NELL1: variants seen among roughly 807,000 people sequenced by gnomAD.
NELL1 encodes neural EGFL like 1.
In NELL1, 76 loss-of-function variants were observed where a neutral mutation model predicts 107.4. That is an observed-to-expected ratio of 0.71 (90% CI 0.59 to 0.86). NELL1 has a LOEUF of 0.86. Ranked by LOEUF, NELL1 falls within the 40% of genes least tolerant of loss-of-function variation. The probability of loss-of-function intolerance (pLI) is 0.00; values close to 1 mark genes in which losing one functional copy is unlikely to be tolerated. For missense variants in NELL1, 1,024 were observed against 1,005.5 expected (o/e 1.02, Z -0.25); for synonymous variants, 353 against 341.2 (o/e 1.03, Z -0.38).
chr11:20,831,827 C>T (rs899552582), intron 3 of NELL1, among the ~76,000 whole-genome samples: 1 of 152,168 alleles, frequency 6.6e-6, no homozygotes, highest in Non-Finnish European at 1.5e-5. Flanking sequence ...TAAGAATTCA[C>T]ATGTGATAGG....
intron 16 of NELL1, among the ~76,000 whole-genome samples, chr11:21,547,417 C>CT (rs1856469959): frequency 6.6e-6 from 1 of 151,730 alleles, no homozygotes; most frequent in African/African-American, 2.4e-5. Context: ...ATAATTAGAC[C>CT]ACAGCCTTTC....
chr11:20,710,265 T>A (rs1202904144), intron 2 of NELL1, among the ~76,000 whole-genome samples: 1 of 152,240 alleles, frequency 6.6e-6, no homozygotes, highest in African/African-American at 2.4e-5. Flanking sequence ...CATAAAGTGA[T>A]GCTAGATTTT....
chr11:21,025,035 T>C (rs1346213182), intron 12 of NELL1, among the ~76,000 whole-genome samples: 2 of 152,076 alleles, frequency 1.3e-5, no homozygotes, highest in East Asian at 3.9e-4. Flanking sequence ...ATACAGAAAA[T>C]GTCACTGTCC....
chr11:21,101,079 A>G (rs992039900), intron 12 of NELL1, among the ~76,000 whole-genome samples: 1 of 151,058 alleles, frequency 6.6e-6, no homozygotes, highest in Non-Finnish European at 1.5e-5. Context: ...TATGAGTGAG[A>G]ATATGCGGTG....
chr11:20,694,377 T>C (rs1854556858), intron 2 of NELL1, among the ~76,000 whole-genome samples: 1 of 152,092 alleles, frequency 6.6e-6, no homozygotes, highest in Non-Finnish European at 1.5e-5. Context: ...TGGGTTTTCT[T>C]CTAGGATTTT....
At position 20,988,700 on chromosome 11, in the gene NELL1, C is replaced by T. The variant is rs2032330127; in HGVS notation, c.1300+28140C>T. ...CCGCCTCCCGGGTTCACGCCATTCT[C>T]CTGCCTCAGCCTCCTGAGTAGCTGA... On this transcript the variant is annotated intron_variant, in intron 12 of 19. Transcript: ENST00000357134. Among the ~76,000 whole-genome samples, 4 of 151,772 alleles carry T rather than the reference C, an allele frequency of 2.6e-5. No homozygotes were observed. In the South Asian group the frequency reaches 8.3e-4, roughly 32 times the overall value.
intron 14 of NELL1, among the ~76,000 whole-genome samples, chr11:21,346,389 A>T (rs923152926): frequency 6.6e-6 from 1 of 151,922 alleles, no homozygotes; most frequent in Non-Finnish European, 1.5e-5. Flanking sequence ...ATATACTTCC[A>T]TTCTTGGAAC....
chr11:21,284,695 A>G (rs914877425), intron 14 of NELL1: 1 of 361,252 alleles, frequency 2.8e-6, no homozygotes, highest in African/African-American at 2.1e-5. Flanking sequence ...GTCTATATGT[A>G]TGCAGTGTTT....
chr11:21,085,991 G>A (rs550744705), intron 12 of NELL1, among the ~76,000 whole-genome samples: 41 of 152,296 alleles, frequency 2.7e-4, no homozygotes, highest in Non-Finnish European at 3.8e-4. Context: ...TTTCACACCC[G>A]TGAGCTTCTG....
At chr11:20,915,718 T>TATATATATATATATATATATATATATA (rs375263928) in intron 5 of NELL1, among the ~76,000 whole-genome samples, 28 of 49,222 alleles carry the variant, frequency 5.7e-4, no homozygotes, top group African/African-American at 7.5e-4. Context: ...TATATATATA[T>TATATATATATATATATATATATATATA]TTTTTTTTTT....
At chr11:20,726,478 T>C (rs554969060) in intron 2 of NELL1, among the ~76,000 whole-genome samples, 8 of 152,160 alleles carry the variant, frequency 5.3e-5, no homozygotes, top group Non-Finnish European at 7.3e-5. Flanking sequence ...CTATCATCGA[T>C]TAGTTTTGCA....
At chr11:21,110,975 C>T (rs1855093053) in intron 12 of NELL1, among the ~76,000 whole-genome samples, 1 of 152,164 alleles carries the variant, frequency 6.6e-6, no homozygotes, top group Non-Finnish European at 1.5e-5. Flanking sequence ...AAGAATCTGG[C>T]CCAAGCTTAT....
chr11:20,858,903 A>T (rs1848929086), intron 4 of NELL1, among the ~76,000 whole-genome samples: 1 of 152,144 alleles, frequency 6.6e-6, no homozygotes, highest in Admixed American at 6.5e-5. Flanking sequence ...CAGGTACAGG[A>T]TCCAAAAGAA....
At chr11:20,684,959 C>T (rs1854273309) in intron 2 of NELL1, among the ~76,000 whole-genome samples, 1 of 152,006 alleles carries the variant, frequency 6.6e-6, no homozygotes, top group Admixed American at 6.6e-5. Flanking sequence ...GTGGGTCTTT[C>T]CTGTCCTTGG....
chr11:21,103,604 T>G (rs1458201074), intron 12 of NELL1, among the ~76,000 whole-genome samples: 1 of 152,218 alleles, frequency 6.6e-6, no homozygotes, highest in Non-Finnish European at 1.5e-5. Flanking sequence ...TGGTACCTAT[T>G]ATTATATAAA....
intron 15 of NELL1, among the ~76,000 whole-genome samples, chr11:21,526,963 T>C (rs772398022): frequency 6.6e-6 from 1 of 152,250 alleles, no homozygotes; most frequent in Admixed American, 6.5e-5. Flanking sequence ...TCATTACTTA[T>C]GCAAATTTCT....
At chr11:20,975,785 TTA>T (rs1460515352) in intron 12 of NELL1, among the ~76,000 whole-genome samples, 1 of 136,070 alleles carries the variant, frequency 7.3e-6, no homozygotes, top group African/African-American at 2.7e-5. Context: ...GATATACATA[TTA>T]TATATGTATT....
At chr11:21,278,100 T>C (rs767148112) in intron 14 of NELL1, among the ~76,000 whole-genome samples, 30 of 151,954 alleles carry the variant, frequency 2.0e-4, no homozygotes, top group Admixed American at 3.9e-4. Context: ...CTATCATTGA[T>C]AAAAACCCTC....
At chr11:20,733,868 CT>C (rs1356887204) in intron 2 of NELL1, among the ~76,000 whole-genome samples, 1 of 152,118 alleles carries the variant, frequency 6.6e-6, no homozygotes, top group Non-Finnish European at 1.5e-5. Context: ...AGTCTTTGCC[CT>C]CATGGACTTT....
Sources: gnomAD v4.1 joint callset for allele counts (sites outside exome capture counted in the v4.1 genomes callset) on GRCh38, gnomAD v4.1.1 for gene constraint, MANE v1.5 for transcripts, NCBI Gene and HGNC (gene_info 2026-07-23, HGNC 2026-07-21) for gene names.